The following MBOAT1 variants were observed in gnomAD, a reference collection of about 807,000 sequenced individuals.
MBOAT1 encodes the protein membrane bound glycerophospholipid O-acyltransferase 1, also known as membrane-bound glycerophospholipid O-acyltransferase 1.
Under a neutral mutation model 64.4 loss-of-function variants are expected in MBOAT1, and 67 were observed. That is an observed-to-expected ratio of 1.04 (90% confidence interval 0.85 to 1.27). MBOAT1 has a LOEUF of 1.27. Ranked by LOEUF, MBOAT1 falls within the 50% of genes most tolerant of loss-of-function variation. The pLI is 0.00. For synonymous variants in MBOAT1, 229 were observed against 218.9 expected (o/e 1.05, Z -0.41); for missense variants, 563 against 604.6 (o/e 0.93, Z 0.72).
intron 1 of MBOAT1, among the ~76,000 whole-genome samples, chr6:20,189,091 G>A (rs1200054892): frequency 2.0e-5 from 3 of 152,034 alleles, no homozygotes; most frequent in African/African-American, 7.2e-5. Flanking sequence ...AGATCCTGAT[G>A]GTGATCACCT....
At chr6:20,139,478 C>G (rs998790320) in intron 4 of MBOAT1, among the ~76,000 whole-genome samples, 1 of 148,932 alleles carries the variant, frequency 6.7e-6, no homozygotes, top group African/African-American at 2.5e-5. Flanking sequence ...TTCTGAGGTG[C>G]TGGGTGGACA....
intron 4 of MBOAT1, among the ~76,000 whole-genome samples, chr6:20,138,727 T>C (rs1055499519): frequency 3.3e-5 from 5 of 152,146 alleles, no homozygotes; most frequent in Admixed American, 6.5e-5. Context: ...TGTTAATTCA[T>C]CAAAAGGTGG....
At chr6:20,139,510 T>C (rs9465640) in intron 4 of MBOAT1, among the ~76,000 whole-genome samples, 13,650 of 150,522 alleles carry the variant, frequency 0.091, 815 homozygotes, top group African/African-American at 0.17. Context: ...AGGACACTCT[T>C]CAACCCAGTA....
In MBOAT1 at chr6:20,178,361, G is replaced by A. The variant is rs559968527; in HGVS notation, c.100-25592C>T. On this transcript the variant is annotated intron_variant, in intron 1 of 12. Transcript: ENST00000324607. ...GCAAGGGGGTTGGAATTAGGCAGAG[G>A]GGCACTCAGGAAAGTTGACAAAGTT... is the stretch of plus-strand genomic sequence containing the variant. 2.3e-4 allele frequency among the ~76,000 whole-genome samples: 35 copies of A among 152,046 alleles called. 1 individual carries two copies. The highest frequency in any genetic ancestry group is 8.4e-4 in the African/African-American group (35 of 41,462).
intron 6 of MBOAT1, 34 bp from the exon 7 acceptor site, chr6:20,126,734 TCA>T: frequency 6.6e-7 from 1 of 1,507,358 alleles, no homozygotes; most frequent in African/African-American, 1.4e-5. Flanking sequence ...TGAAAAGTCT[TCA>T]GTCTTTGCTT....
intron 6 of MBOAT1, 68 bp downstream of exon 6, chr6:20,128,631 T>C: frequency 8.5e-7 from 1 of 1,180,338 alleles, no homozygotes; most frequent in Non-Finnish European, 1.2e-6. Flanking sequence ...TAGATATTTT[T>C]AAATGAGGAA....
Position 20,113,067 on chromosome 6 carries a change from G to A in MBOAT1, c.1077-59C>T. 7 of 1,574,566 alleles carry A rather than the reference G, an allele frequency of 4.4e-6. 1 individual carries two copies. Among genetic ancestry groups the A allele is most frequent in the South Asian group, 1.2e-5 (1 of 84,882 alleles). On this transcript the variant is annotated intron_variant, in intron 10 of 12. Coordinates refer to ENST00000324607, the MANE Select transcript of MBOAT1 (RefSeq NM_001080480.3). ...AACATACCAGAAACTTCTAAGTACA[G>A]CTGCTGTTTCTTGGATAAGACCATG...
chr6:20,141,021 T>C (rs140101482), intron 4 of MBOAT1, among the ~76,000 whole-genome samples: 5 of 152,106 alleles, frequency 3.3e-5, no homozygotes, highest in African/African-American at 1.2e-4. Flanking sequence ...TCCTGCTACC[T>C]GAGATCCAAA....
intron 12 of MBOAT1, among the ~76,000 whole-genome samples, chr6:20,105,351 A>G (rs892561628): frequency 6.6e-6 from 1 of 152,262 alleles, no homozygotes; most frequent in African/African-American, 2.4e-5. Context: ...TATTATGGAA[A>G]GACTAAACTA....
chr6:20,137,321 A>G (rs1182646714), intron 4 of MBOAT1, among the ~76,000 whole-genome samples: 1 of 152,176 alleles, frequency 6.6e-6, no homozygotes, highest in Non-Finnish European at 1.5e-5. Context: ...CTACCATGGC[A>G]AAAGGAAATA....
At chr6:20,103,838 G>C (rs1475357366) in intron 12 of MBOAT1, among the ~76,000 whole-genome samples, 1 of 152,150 alleles carries the variant, frequency 6.6e-6, no homozygotes, top group Non-Finnish European at 1.5e-5. Flanking sequence ...TTATTATTGA[G>C]GAAAAGTTTT....
intron 1 of MBOAT1, among the ~76,000 whole-genome samples, chr6:20,178,860 A>G (rs1392598416): frequency 6.6e-6 from 1 of 152,170 alleles, no homozygotes; most frequent in Non-Finnish European, 1.5e-5. Flanking sequence ...CTTTCTAACT[A>G]GGAAAATCAG....
intron 7 of MBOAT1, 58 bp downstream of exon 7, chr6:20,126,459 T>C: frequency 7.0e-7 from 1 of 1,429,594 alleles, no homozygotes; most frequent in East Asian, 2.4e-5. Context: ...TTAGAACCAT[T>C]ATTAGAGAGA....
At chr6:20,193,351 A>G (rs1267133486) in intron 1 of MBOAT1, among the ~76,000 whole-genome samples, 2 of 152,090 alleles carry the variant, frequency 1.3e-5, no homozygotes, top group African/African-American at 4.8e-5. Context: ...TTCTGGCTTA[A>G]ACAAGATATG....
At chr6:20,168,832 A>C (rs1403494648) in intron 1 of MBOAT1, among the ~76,000 whole-genome samples, 1 of 145,338 alleles carries the variant, frequency 6.9e-6, no homozygotes, top group Non-Finnish European at 1.5e-5. Context: ...AGAGGAGAGG[A>C]CAGGAGAGGA....
At chr6:20,134,285 G>A (rs941465447) in intron 4 of MBOAT1, among the ~76,000 whole-genome samples, 5 of 151,898 alleles carry the variant, frequency 3.3e-5, no homozygotes, top group Admixed American at 3.3e-4. Context: ...CTAGAGCAAA[G>A]TCAATAAATA....
chr6:20,172,069 G>T lies in MBOAT1; in HGVS notation c.100-19300C>A, dbSNP rs746969313. Among the ~76,000 whole-genome samples the T allele has an allele frequency of 8.2e-4, 125 of 151,776 alleles. 3 individuals carry two copies. The highest frequency in any genetic ancestry group is 2.8e-4 in the Non-Finnish European group (19 of 67,936). On this transcript the variant is annotated intron_variant, in intron 1 of 12. Transcript: ENST00000324607. ...AAACAAAAACAAAAACAAACAAGAA[G>T]AAGAAGAAAAAGAAAAGGAAAAGAG...
chr6:20,109,157 C>T (rs1387242652), intron 12 of MBOAT1, among the ~76,000 whole-genome samples: 1 of 152,172 alleles, frequency 6.6e-6, no homozygotes, highest in Non-Finnish European at 1.5e-5. Flanking sequence ...CCAGGGAGTC[C>T]TTCTGCACAC....
At chr6:20,124,347 T>C in intron 8 of MBOAT1, 61 bp downstream of exon 8, 14 of 1,544,506 alleles carry the variant, frequency 9.1e-6, no homozygotes, top group Non-Finnish European at 1.1e-5. Flanking sequence ...TCGTTCTGGC[T>C]AAGCCATTCA....
Sources: gnomAD v4.1 joint callset for allele counts (sites outside exome capture counted in the v4.1 genomes callset) on GRCh38, gnomAD v4.1.1 for gene constraint, MANE v1.5 for transcripts, NCBI Gene and HGNC (gene_info 2026-07-23, HGNC 2026-07-21) for gene names.